The following FAF1 variants were observed in gnomAD, a reference collection of about 807,000 sequenced individuals.
FAF1 encodes the protein Fas associated factor 1.
Under a neutral mutation model 92.5 loss-of-function variants are expected in FAF1, and 25 were observed. That is an observed-to-expected ratio of 0.27 (90% CI 0.20 to 0.38). FAF1 has a LOEUF of 0.38. Among genes scored for constraint, FAF1 ranks in the 10% least tolerant of loss-of-function variants. The probability of loss-of-function intolerance (pLI) is 1.00; values close to 1 mark genes in which losing one functional copy is unlikely to be tolerated. For missense variants in FAF1, 636 were observed against 793.3 expected (o/e 0.80, Z 2.38); for synonymous variants, 234 against 273.2 (o/e 0.86, Z 1.42).
chr1:50,773,649 G>A (rs1417310375), intron 4 of FAF1, among the ~76,000 whole-genome samples: 1 of 152,172 alleles, frequency 6.6e-6, no homozygotes, highest in Admixed American at 6.6e-5. Flanking sequence ...ATGAAGTAGA[G>A]GGTATAATGG....
intron 8 of FAF1, among the ~76,000 whole-genome samples, chr1:50,634,871 C>T (rs1007903196): frequency 3.9e-5 from 6 of 152,188 alleles, no homozygotes; most frequent in Non-Finnish European, 8.8e-5. Flanking sequence ...AAAATGATTA[C>T]AAGCACTAGG....
At chr1:50,621,230 C>T (rs895700836) in intron 8 of FAF1, among the ~76,000 whole-genome samples, 1 of 152,064 alleles carries the variant, frequency 6.6e-6, no homozygotes, top group African/African-American at 2.4e-5. Flanking sequence ...TGGGAAAATA[C>T]TCAGGTGGAA....
At chr1:50,847,430 A>G (rs1463888878) in intron 2 of FAF1, among the ~76,000 whole-genome samples, 1 of 151,860 alleles carries the variant, frequency 6.6e-6, no homozygotes, top group Non-Finnish European at 1.5e-5. Flanking sequence ...AAAAAAAAAA[A>G]AAAAACAGTA....
chr1:50,873,509 T>C (rs1644545630), intron 1 of FAF1, among the ~76,000 whole-genome samples: 1 of 152,172 alleles, frequency 6.6e-6, no homozygotes, highest in South Asian at 2.1e-4. Context: ...CTTCCCCATC[T>C]GGGCAAGACA....
chr1:50,706,602 T>C (rs1353408152), intron 6 of FAF1, among the ~76,000 whole-genome samples: 2 of 151,202 alleles, frequency 1.3e-5, no homozygotes, highest in Admixed American at 6.6e-5. Flanking sequence ...TTATATCAAA[T>C]TCCAAATATG....
At chr1:50,753,032 G>A (rs951417080) in intron 4 of FAF1, among the ~76,000 whole-genome samples, 7 of 152,114 alleles carry the variant, frequency 4.6e-5, no homozygotes, top group Admixed American at 1.3e-4. Context: ...TGTGTTTAAC[G>A]TAAAATAAAC....
At chr1:50,600,930 G>C (rs1475361314) in intron 8 of FAF1, among the ~76,000 whole-genome samples, 4 of 151,978 alleles carry the variant, frequency 2.6e-5, no homozygotes, top group Non-Finnish European at 4.4e-5. Flanking sequence ...TTTTAGAATG[G>C]TAAATGTCAA....
intron 5 of FAF1, 21 bp from the exon 6 acceptor site, chr1:50,738,975 C>CA (rs767419421): frequency 2.8e-6 from 4 of 1,410,198 alleles, no homozygotes; most frequent in Middle Eastern, 1.8e-4. Context: ...AAAAACACAG[C>CA]AAAAAATGAA....
intron 1 of FAF1, among the ~76,000 whole-genome samples, chr1:50,869,384 G>A (rs963490532): frequency 3.9e-4 from 60 of 152,048 alleles, no homozygotes; most frequent in Non-Finnish European, 8.1e-4. Context: ...GCTTGAGTCT[G>A]CCACACTTCT....
At chr1:50,468,459 ATTTTT>A in intron 18 of FAF1, among the ~76,000 whole-genome samples, 1 of 130,720 alleles carries the variant, frequency 7.6e-6, no homozygotes. Flanking sequence ...CACTTGGCTA[ATTTTT>A]TTTTTTTTTT....
At position 50,886,430 on chromosome 1, in the gene FAF1, C is replaced by T. The variant is rs148418703; in HGVS notation, c.46-28433G>A. ...TTCTAGGGTACATATGCACAATGTA[C>T]AGGTTTCTTAGATATGTACACATGT... is the stretch of plus-strand genomic sequence containing the variant. On this transcript the variant is annotated intron_variant, in intron 1 of 18. Transcript: ENST00000396153. 6.9e-4 allele frequency among the ~76,000 whole-genome samples: 105 copies of T among 152,096 alleles called. 2 individuals carry two copies. The East Asian group carries it at 0.016, about 23-fold the overall frequency.
At chr1:50,806,503 C>A (rs1426986253) in intron 2 of FAF1, among the ~76,000 whole-genome samples, 4 of 152,198 alleles carry the variant, frequency 2.6e-5, no homozygotes, top group Non-Finnish European at 5.9e-5. Context: ...CCTGCTTCCA[C>A]CACTACCCCA....
intron 1 of FAF1, among the ~76,000 whole-genome samples, chr1:50,915,300 G>A (rs1201157122): frequency 2.6e-5 from 4 of 151,568 alleles, no homozygotes; most frequent in African/African-American, 9.7e-5. Context: ...AACCTGGGAG[G>A]CGGAGGTTGC....
intron 4 of FAF1, among the ~76,000 whole-genome samples, chr1:50,752,857 AT>A (rs1343682236): frequency 1.3e-5 from 2 of 151,570 alleles, no homozygotes; most frequent in East Asian, 3.9e-4. Flanking sequence ...TAATTTTTGT[AT>A]TTTTCAGTAG....
intron 1 of FAF1, among the ~76,000 whole-genome samples, chr1:50,954,396 G>A (rs1351046695): frequency 6.6e-6 from 1 of 152,090 alleles, no homozygotes; most frequent in African/African-American, 2.4e-5. Flanking sequence ...GTAACACCAG[G>A]CCAGGTGTGT....
intron 4 of FAF1, among the ~76,000 whole-genome samples, chr1:50,783,791 C>G (rs533514488): frequency 2.0e-5 from 3 of 152,258 alleles, no homozygotes; most frequent in Admixed American, 1.3e-4. Flanking sequence ...ATGAGAATCA[C>G]TTGAACCTAG....
At chr1:50,502,037 T>C (rs1331037225) in intron 15 of FAF1, among the ~76,000 whole-genome samples, 2 of 152,228 alleles carry the variant, frequency 1.3e-5, no homozygotes, top group East Asian at 3.8e-4. Flanking sequence ...GTGGCTTTTA[T>C]TGTACAGAGC....
chr1:50,830,102 T>C (rs903384454), intron 2 of FAF1, among the ~76,000 whole-genome samples: 3 of 152,148 alleles, frequency 2.0e-5, no homozygotes, highest in African/African-American at 7.2e-5. Context: ...TTGCTTCTTT[T>C]TGTTTTTGTT....
At chr1:50,488,753 GT>G (rs1471015662) in intron 17 of FAF1, among the ~76,000 whole-genome samples, 2 of 152,088 alleles carry the variant, frequency 1.3e-5, no homozygotes, top group Non-Finnish European at 2.9e-5. Flanking sequence ...ATGAACTTCA[GT>G]TTTTTTCACT....
Sources: gnomAD v4.1 joint callset for allele counts (sites outside exome capture counted in the v4.1 genomes callset) on GRCh38, gnomAD v4.1.1 for gene constraint, MANE v1.5 for transcripts, NCBI Gene and HGNC (gene_info 2026-07-23, HGNC 2026-07-21) for gene names.